Variants in CACNG2 observed in about 807,000 individuals in gnomAD.
CACNG2 encodes the protein voltage-dependent calcium channel gamma-2 subunit.
A neutral mutation model predicts 25.9 loss-of-function variants in CACNG2; 3 were observed. That is an observed-to-expected ratio of 0.12 (90% confidence interval 0.05 to 0.30). The LOEUF is 0.30. Ranked by LOEUF, CACNG2 falls within the 10% of genes least tolerant of loss-of-function variation. The probability of loss-of-function intolerance (pLI) is 1.00; values close to 1 mark genes in which losing one functional copy is unlikely to be tolerated. For synonymous variants in CACNG2, 167 were observed against 173.3 expected, an observed-to-expected ratio of 0.96 and a Z score of 0.29; for missense variants, 341 against 432.5, an observed-to-expected ratio of 0.79 and a Z score of 1.88.
intron 1 of CACNG2, among the ~76,000 whole-genome samples, chr22:36,699,464 G>A (rs1937383932): frequency 1.3e-5 from 2 of 151,782 alleles, no homozygotes; most frequent in Admixed American, 6.6e-5. Context: ...TTCATCAAGA[G>A]GTGAATGAAA....
chr22:36,670,515 A>G (rs1307415368), intron 1 of CACNG2, among the ~76,000 whole-genome samples: 1 of 152,230 alleles, frequency 6.6e-6, no homozygotes, highest in Non-Finnish European at 1.5e-5. Flanking sequence ...CTTTTGTGGT[A>G]GGCTTTACTT....
chr22:36,597,784 C>T (rs1569024701), intron 1 of CACNG2, among the ~76,000 whole-genome samples: 2 of 152,108 alleles, frequency 1.3e-5, no homozygotes, highest in Non-Finnish European at 2.9e-5. Flanking sequence ...TGGCCTGAGA[C>T]TCTGTATTTC....
chr22:36,569,903 G>A (rs1230330852), intron 2 of CACNG2, among the ~76,000 whole-genome samples: 1 of 152,160 alleles, frequency 6.6e-6, no homozygotes, highest in African/African-American at 2.4e-5. Context: ...GCCACAAAGG[G>A]GAATGACAGA....
rs1391405216 is a variant in CACNG2 at position 36,587,542 on chromosome 22, A to T, written c.218T>A (p.Phe73Tyr). 1.2e-6 allele frequency: 2 copies of T among 1,612,032 alleles called. No homozygotes were observed. The highest frequency in any genetic ancestry group is 2.2e-5 in the South Asian group (2 of 91,048). The change falls in exon 2 of 4, where the codon TTC becomes TAC. Residue 73 changes from phenylalanine (F) to tyrosine (Y), a missense_variant. This residue lies in a region of CACNG2 where 169 missense variants were observed against 254.4 expected (regional missense o/e 0.66). Transcript: ENST00000300105. ...LWRTCCLEGNFKGLCKQIDHF... is the reference protein window; with the variant it reads ...LWRTCCLEGNYKGLCKQIDHF... ...ATCAATTTGCTTGCACAGACCTTTG[A>T]AATTCCCTGCAAAACAAGGGGAGAA... is the stretch of plus-strand genomic sequence containing the variant.
At chr22:36,693,471 C>T (rs1937293148) in intron 1 of CACNG2, among the ~76,000 whole-genome samples, 1 of 152,172 alleles carries the variant, frequency 6.6e-6, no homozygotes, top group Non-Finnish European at 1.5e-5. Flanking sequence ...AGCCCTGACC[C>T]ACTCCTCATC....
At chr22:36,674,770 T>G (rs760744202) in intron 1 of CACNG2, among the ~76,000 whole-genome samples, 21 of 152,182 alleles carry the variant, frequency 1.4e-4, no homozygotes, top group Non-Finnish European at 2.8e-4. Context: ...GCTATGCCAC[T>G]GGGAAGAGGG....
At chr22:36,600,567 T>G (rs931433603) in intron 1 of CACNG2, among the ~76,000 whole-genome samples, 8 of 150,582 alleles carry the variant, frequency 5.3e-5, no homozygotes, top group African/African-American at 2.0e-4. Flanking sequence ...TTTTTTTTGA[T>G]ACGGAGTCTT....
intron 1 of CACNG2, among the ~76,000 whole-genome samples, chr22:36,655,698 T>C (rs1305824662): frequency 2.0e-5 from 3 of 147,552 alleles, no homozygotes; most frequent in South Asian, 4.2e-4. Flanking sequence ...TTCCTTCCTT[T>C]CTTTCTTTCT....
chr22:36,585,271 GT>G (rs1418738344), intron 2 of CACNG2: 1 of 152,170 alleles, frequency 6.6e-6, no homozygotes, highest in African/African-American at 2.4e-5. Flanking sequence ...GGGTTGAATT[GT>G]AGACACATGC....
intron 1 of CACNG2, among the ~76,000 whole-genome samples, chr22:36,605,673 G>T (rs1049998032): frequency 5.3e-5 from 8 of 152,216 alleles, no homozygotes; most frequent in Non-Finnish European, 1.2e-4. Context: ...CATTGAGAGG[G>T]CTCAGCACAG....
intron 1 of CACNG2, among the ~76,000 whole-genome samples, chr22:36,591,599 G>C (rs1935593497): frequency 6.6e-6 from 1 of 152,168 alleles, no homozygotes; most frequent in African/African-American, 2.4e-5. Flanking sequence ...CTTGAACCCA[G>C]GTGTTCGAGG....
intron 1 of CACNG2, among the ~76,000 whole-genome samples, chr22:36,631,912 C>G (rs1261280301): frequency 6.6e-6 from 1 of 152,062 alleles, no homozygotes; most frequent in East Asian, 1.9e-4. Context: ...GGAAAAAGGA[C>G]TCCAATGCTC....
At chr22:36,700,469 T>C (rs1937397902) in intron 1 of CACNG2, among the ~76,000 whole-genome samples, 1 of 152,232 alleles carries the variant, frequency 6.6e-6, no homozygotes, top group African/African-American at 2.4e-5. Context: ...TAAAACAATG[T>C]CTTGTCTCTC....
intron 1 of CACNG2, among the ~76,000 whole-genome samples, chr22:36,622,685 G>T (rs563568153): frequency 6.6e-6 from 1 of 152,154 alleles, no homozygotes; most frequent in African/African-American, 2.4e-5. Context: ...AGGGCTGGGC[G>T]CGGTGGCTCA....
At chr22:36,655,903 G>A (rs1432038080) in intron 1 of CACNG2, among the ~76,000 whole-genome samples, 1 of 151,512 alleles carries the variant, frequency 6.6e-6, no homozygotes. Flanking sequence ...CACCACCCGG[G>A]TTCAAGCAAT....
chr22:36,583,120 A>G (rs1407496355), intron 2 of CACNG2, among the ~76,000 whole-genome samples: 1 of 151,942 alleles, frequency 6.6e-6, no homozygotes, highest in Non-Finnish European at 1.5e-5. Context: ...CATCCAGCTC[A>G]CACCTCTGCT....
rs1293915335 is a variant in CACNG2 at position 36,639,316 on chromosome 22, G to T, written c.212-51768C>A. On this transcript the variant is annotated intron_variant, in intron 1 of 3. Transcript: ENST00000300105. ...ATGATTACTCAAAAGGGGCATAAAGGGAAGTTAGGTCAGTTCTTCCTAAGA... is the reference window on the plus strand; with the variant it reads ...ATGATTACTCAAAAGGGGCATAAAGTGAAGTTAGGTCAGTTCTTCCTAAGA... 2.0e-5 allele frequency among the ~76,000 whole-genome samples: 3 copies of T among 152,226 alleles called. No individual in the cohort carries two copies. The East Asian group carries it at 5.8e-4, about 29-fold the overall frequency.
At chr22:36,679,113 T>C (rs1937052887) in intron 1 of CACNG2, among the ~76,000 whole-genome samples, 1 of 152,224 alleles carries the variant, frequency 6.6e-6, no homozygotes, top group Admixed American at 6.5e-5. Flanking sequence ...TGGCAGCTTA[T>C]CTGCCAGCAT....
intron 1 of CACNG2, among the ~76,000 whole-genome samples, chr22:36,682,982 C>T (rs1273597435): frequency 6.6e-6 from 1 of 152,130 alleles, no homozygotes. Flanking sequence ...AGCTTCATTG[C>T]GAGAACGCTT....
Sources: allele counts gnomAD v4.1 joint callset (sites outside exome capture counted in the v4.1 genomes callset), GRCh38; gene constraint gnomAD v4.1.1; regional missense constraint gnomAD v4.1.1; transcripts MANE v1.5; gene names NCBI Gene and HGNC (gene_info 2026-07-23, HGNC 2026-07-21).